The following PCDHGA4 variants were observed in gnomAD, a reference collection of about 807,000 sequenced individuals.
PCDHGA4 encodes protocadherin gamma subfamily A, 4.
A neutral mutation model predicts 54.6 loss-of-function variants in PCDHGA4; 38 were observed. The ratio of observed to expected loss-of-function variants is 0.70; its 90% confidence interval spans 0.54 to 0.91. PCDHGA4 has a LOEUF of 0.91. Among genes scored for constraint, PCDHGA4 ranks in the 40% least tolerant of loss-of-function variants. The pLI is 0.00. For missense variants in PCDHGA4, 1,298 were observed against 1,220.9 expected, an observed-to-expected ratio of 1.06 and a Z score of -0.94; for synonymous variants, 511 against 512.9, an observed-to-expected ratio of 1.00 and a Z score of 0.05.
intron 1 of PCDHGA4, among the ~76,000 whole-genome samples, chr5:141,437,052 T>A (rs986734485): frequency 6.6e-5 from 10 of 152,258 alleles, no homozygotes; most frequent in Non-Finnish European, 1.3e-4. Flanking sequence ...AGAAGGCTGG[T>A]GATCATTATT....
rs1408454981 is a variant in PCDHGA4, at chr5:141,489,682, T to C, written c.2515-5125T>C. The C allele has an allele frequency of 6.2e-7, 1 of 1,614,184 alleles. No individual in the cohort carries two copies. The highest frequency in any genetic ancestry group is 8.5e-7 in the Non-Finnish European group (1 of 1,180,024). On this transcript the variant is annotated intron_variant, in intron 1 of 3. Transcript: ENST00000571252. This position sits in a 1 kb window ranked among gnomAD's most constrained non-coding sequence, Gnocchi z 4.5. ...GATGCGCATCTCAGAATCAGCAGCATCTGGGGCACGATTCCCACTGGACAG... is the reference window on the plus strand; with the variant it reads ...GATGCGCATCTCAGAATCAGCAGCACCTGGGGCACGATTCCCACTGGACAG...
intron 1 of PCDHGA4, chr5:141,364,922 C>G: frequency 1.2e-6 from 2 of 1,613,948 alleles, no homozygotes; most frequent in Non-Finnish European, 8.5e-7. Context: ...GGTGTTGGAA[C>G]AGCCCCTAGA....
chr5:141,363,958 G>C (rs1763125463), intron 1 of PCDHGA4, among the ~76,000 whole-genome samples: 1 of 152,214 alleles, frequency 6.6e-6, no homozygotes, highest in Non-Finnish European at 1.5e-5. Context: ...CTCAGGGATT[G>C]TGGAAGTCTT....
rs748357509 is a variant in PCDHGA4 at position 141,384,447 on chromosome 5, G to A, written c.2514+26826G>A. The A allele has an allele frequency of 2.0e-5, 32 of 1,613,890 alleles. No homozygotes were observed. The African/African-American group carries it at 2.4e-4, about 12-fold the overall frequency. The stretch of plus-strand genomic sequence containing the variant: ...ACTCTGACACTGGAGTCCTGTACGC[G>A]CTGCAATCCTTTGATTATGAGCAGT... On this transcript the variant is annotated intron_variant, in intron 1 of 3. Coordinates refer to ENST00000571252, the MANE Select transcript of PCDHGA4 (RefSeq NM_018917.4).
intron 1 of PCDHGA4, chr5:141,419,724 G>A (rs200134846): frequency 1.9e-4 from 301 of 1,613,488 alleles, no homozygotes; most frequent in South Asian, 1.2e-3. Context: ...CTGGGGCTGC[G>A]AACAGGCGAG....
At chr5:141,469,994 C>T (rs948868787) in intron 1 of PCDHGA4, among the ~76,000 whole-genome samples, 2 of 151,830 alleles carry the variant, frequency 1.3e-5, no homozygotes, top group Non-Finnish European at 1.5e-5. Flanking sequence ...AGCTGGTCGT[C>T]GTGGCACGCC....
At position 141,403,267 on chromosome 5, in the gene PCDHGA4, C is replaced by T. The variant is rs767670942; in HGVS notation, c.2514+45646C>T. On this transcript the variant is annotated intron_variant, in intron 1 of 3. Transcript: ENST00000571252. ...CTCAGAGCCCGCGGTGTCTGGTGAA[C>T]TTTAAAGTCCTGGTTGAAGACAGAG... is the stretch of plus-strand genomic sequence containing the variant. 4.4e-5 allele frequency: 71 copies of T among 1,613,770 alleles called. No homozygotes were observed. Among genetic ancestry groups the T allele is most frequent in the Non-Finnish European group, 5.8e-5 (69 of 1,179,916 alleles).
intron 1 of PCDHGA4, chr5:141,405,448 C>A: frequency 5.3e-6 from 7 of 1,314,660 alleles, no homozygotes; most frequent in South Asian, 1.3e-5. Context: ...GAGACAGAGT[C>A]TTACTCTGTT....
At chr5:141,394,300 T>G (rs753637808) in intron 1 of PCDHGA4, 2 of 1,613,820 alleles carry the variant, frequency 1.2e-6, no homozygotes, top group African/African-American at 2.7e-5. Context: ...GAGGACACGC[T>G]GCAGGGGGCG....
chr5:141,474,837 C>T (rs1250443544), intron 1 of PCDHGA4, among the ~76,000 whole-genome samples: 2 of 152,214 alleles, frequency 1.3e-5, no homozygotes, highest in Admixed American at 6.5e-5. Flanking sequence ...CTGTGCCAGG[C>T]ACTTTACCTG....
intron 2 of PCDHGA4, among the ~76,000 whole-genome samples, chr5:141,505,122 A>G (rs2099843899): frequency 6.6e-6 from 1 of 152,194 alleles, no homozygotes; most frequent in Non-Finnish European, 1.5e-5. Context: ...AGATCGCGCC[A>G]CTGCACTCCA....
chr5:141,389,019 G>T, intron 1 of PCDHGA4: 3 of 1,614,000 alleles, frequency 1.9e-6, no homozygotes, highest in South Asian at 1.1e-5. Context: ...ACACAATGGA[G>T]AAGTGACTTG....
chr5:141,488,565 C>A (rs1308485284), intron 1 of PCDHGA4, among the ~76,000 whole-genome samples: 1 of 152,174 alleles, frequency 6.6e-6, no homozygotes, highest in Non-Finnish European at 1.5e-5. Flanking sequence ...GAGATTTCCG[C>A]AAAGCATTGC....
At chr5:141,374,181 A>G (rs765792921) in intron 1 of PCDHGA4, 14 of 1,613,530 alleles carry the variant, frequency 8.7e-6, no homozygotes, top group African/African-American at 2.7e-5. Flanking sequence ...CAGATCCGCT[A>G]CTCTATTCCC....
At chr5:141,498,670 G>A (rs1266576450) in intron 2 of PCDHGA4, among the ~76,000 whole-genome samples, 1 of 152,066 alleles carries the variant, frequency 6.6e-6, no homozygotes, top group Non-Finnish European at 1.5e-5. Flanking sequence ...GGTGGCTCAC[G>A]CCTGTAATCC....
intron 1 of PCDHGA4, among the ~76,000 whole-genome samples, chr5:141,449,290 G>A (rs1255760925): frequency 1.3e-5 from 2 of 151,934 alleles, no homozygotes; most frequent in Admixed American, 6.6e-5. Context: ...CGGATGCACC[G>A]GGTGAATTAT....
chr5:141,413,600 T>C lies in PCDHGA4; in HGVS notation c.2514+55979T>C, dbSNP rs767830855. The C allele has an allele frequency of 3.7e-6, 6 of 1,613,868 alleles. No individual in the cohort carries two copies. The Admixed American group carries it at 8.3e-5, about 22-fold the overall frequency. Reference sequence around the variant, plus strand: ...GCTCCAAAATTCCAAGCAGAAAATCTAGACGTAAAAATTAATGAAAATGTC... The same window carrying C: ...GCTCCAAAATTCCAAGCAGAAAATCCAGACGTAAAAATTAATGAAAATGTC... On this transcript the variant is annotated intron_variant, in intron 1 of 3. Transcript: ENST00000571252.
chr5:141,466,415 C>T (rs995296505), intron 1 of PCDHGA4, among the ~76,000 whole-genome samples: 6 of 152,136 alleles, frequency 3.9e-5, no homozygotes, highest in Non-Finnish European at 8.8e-5. Context: ...ATTTTTCAGT[C>T]AGAATTGTGT....
intron 1 of PCDHGA4, chr5:141,393,160 T>A: frequency 6.2e-7 from 1 of 1,613,204 alleles, no homozygotes; most frequent in Non-Finnish European, 8.5e-7. Context: ...AAAGGAAAAC[T>A]CTTTGGGGTA....
Sources: allele counts gnomAD v4.1 joint callset (sites outside exome capture counted in the v4.1 genomes callset), GRCh38; gene constraint gnomAD v4.1.1; non-coding constraint Gnocchi (gnomAD v3.1); transcripts MANE v1.5; gene names NCBI Gene and HGNC (gene_info 2026-07-23, HGNC 2026-07-21).